Variants in NOSTRIN observed in about 807,000 individuals in gnomAD.
NOSTRIN encodes nitric oxide synthase trafficking, also known as BM247 homolog.
In NOSTRIN, 63 loss-of-function variants were observed where a neutral mutation model predicts 59.0. The ratio of observed to expected loss-of-function variants is 1.07; its 90% confidence interval spans 0.87 to 1.32. The LOEUF (loss-of-function observed/expected upper bound fraction) is 1.32. Among genes scored for constraint, NOSTRIN ranks in the 40% most tolerant of loss-of-function variants. The probability of loss-of-function intolerance (pLI) is 0.00; values close to 1 mark genes in which losing one functional copy is unlikely to be tolerated. For missense variants in NOSTRIN, 512 were observed against 473.1 expected, an observed-to-expected ratio of 1.08 and a Z score of -0.76; for synonymous variants, 200 against 165.4, an observed-to-expected ratio of 1.21 and a Z score of -1.61.
At chr2:168,810,010 C>T (rs1206887499) in intron 1 of NOSTRIN, among the ~76,000 whole-genome samples, 1 of 151,974 alleles carries the variant, frequency 6.6e-6, no homozygotes, top group African/African-American at 2.4e-5. Flanking sequence ...CTGATTTCAG[C>T]TTTTTTGGAC....
At chr2:168,845,790 CTTTTTT>C in intron 8 of NOSTRIN, among the ~76,000 whole-genome samples, 1 of 140,630 alleles carries the variant, frequency 7.1e-6, no homozygotes, top group East Asian at 2.1e-4. Flanking sequence ...TTTTTTCTTC[CTTTTTT>C]TTTTTTTTTT....
intron 2 of NOSTRIN, among the ~76,000 whole-genome samples, chr2:168,792,124 A>G (rs1574245882): frequency 6.6e-6 from 1 of 152,154 alleles, no homozygotes; most frequent in Admixed American, 6.5e-5. Flanking sequence ...TAGGTCTAAC[A>G]TGTAAGTCTT....
intron 2 of NOSTRIN, among the ~76,000 whole-genome samples, chr2:168,792,885 T>C (rs1043205639): frequency 1.3e-5 from 2 of 152,230 alleles, no homozygotes; most frequent in African/African-American, 4.8e-5. Context: ...GTGAAATATA[T>C]GGTATTACTT....
intron 2 of NOSTRIN, among the ~76,000 whole-genome samples, chr2:168,814,480 C>T (rs1045951396): frequency 4.6e-5 from 7 of 152,146 alleles, no homozygotes; most frequent in Non-Finnish European, 1.0e-4. Flanking sequence ...ACATGTGAAC[C>T]AATGGTAATC....
chr2:168,822,935 C>G (rs113232568), intron 2 of NOSTRIN, among the ~76,000 whole-genome samples: 1 of 152,228 alleles, frequency 6.6e-6, no homozygotes, highest in South Asian at 2.1e-4. Context: ...CGATTATAAT[C>G]TAGAGCTAAT....
At chr2:168,864,780 C>G in intron 15 of NOSTRIN, 54 bp from the exon 16 acceptor site, 1 of 1,600,090 alleles carries the variant, frequency 6.2e-7, no homozygotes, top group Non-Finnish European at 8.5e-7. Flanking sequence ...ATCAATCGGG[C>G]TGAGGCATGT....
chr2:168,836,323 A>G (rs1648926213), intron 7 of NOSTRIN, among the ~76,000 whole-genome samples: 1 of 152,178 alleles, frequency 6.6e-6, no homozygotes, highest in African/African-American at 2.4e-5. Context: ...CTAAGTGGTG[A>G]ATTTCCTCTT....
At chr2:168,795,500 T>C (rs1261266990), upstream of NOSTRIN, among the ~76,000 whole-genome samples, 1 of 152,242 alleles carries the variant, frequency 6.6e-6, no homozygotes, top group African/African-American at 2.4e-5. Context: ...CTAGGGCTTA[T>C]TGTGGGAAAG....
At chr2:168,819,365 G>A (rs954680155) in intron 2 of NOSTRIN, among the ~76,000 whole-genome samples, 2 of 152,200 alleles carry the variant, frequency 1.3e-5, no homozygotes, top group African/African-American at 2.4e-5. Flanking sequence ...TGGAAGAGCC[G>A]TGGAAGTGTG....
intron 8 of NOSTRIN, among the ~76,000 whole-genome samples, chr2:168,847,430 G>C (rs1688496210): frequency 6.6e-6 from 1 of 152,172 alleles, no homozygotes; most frequent in African/African-American, 2.4e-5. Context: ...CAGAGCCTCT[G>C]AATGATTATA....
intron 2 of NOSTRIN, among the ~76,000 whole-genome samples, chr2:168,816,778 AG>A (rs1372884777): frequency 6.6e-6 from 1 of 152,138 alleles, no homozygotes; most frequent in East Asian, 1.9e-4. Flanking sequence ...GAACTCCTTG[AG>A]GGTCTTTGTG....
chr2:168,832,307 A>G (rs1687410687), intron 6 of NOSTRIN, among the ~76,000 whole-genome samples: 1 of 152,214 alleles, frequency 6.6e-6, no homozygotes, highest in Admixed American at 6.5e-5. Flanking sequence ...AAAATAACAG[A>G]TGGGATCCAT....
At chr2:168,794,226 A>G (rs1371548575), upstream of NOSTRIN, among the ~76,000 whole-genome samples, 1 of 152,198 alleles carries the variant, frequency 6.6e-6, no homozygotes, top group Non-Finnish European at 1.5e-5. Context: ...TGAATTATCA[A>G]TTGTGTAAAA....
intron 15 of NOSTRIN, 21 bp downstream of exon 15, chr2:168,862,070 T>A (rs375129505): frequency 1.3e-6 from 2 of 1,599,228 alleles, no homozygotes; most frequent in African/African-American, 2.7e-5. Flanking sequence ...TTCTCAAATA[T>A]TTTAATTGCC....
chr2:168,812,838 C>G (rs1191489239), intron 2 of NOSTRIN, among the ~76,000 whole-genome samples: 1 of 152,134 alleles, frequency 6.6e-6, no homozygotes, highest in Non-Finnish European at 1.5e-5. Flanking sequence ...TTTTTAAACT[C>G]AACAACCCGC....
At chr2:168,849,923 T>G (rs72883287) in intron 8 of NOSTRIN, among the ~76,000 whole-genome samples, 5 of 24,648 alleles carry the variant, frequency 2.0e-4, no homozygotes, top group Admixed American at 3.2e-4. Flanking sequence ...TTCTCATTTT[T>G]TTTTTTTTTT....
chr2:168,828,147 T>C lies in NOSTRIN; in HGVS notation c.198-11T>C. On this transcript the variant is annotated splice_polypyrimidine_tract_variant and intron_variant, in intron 3 of 15. Coordinates refer to ENST00000317647, the MANE Select transcript of NOSTRIN (RefSeq NM_001039724.4). ...CACTCACCTTTGTTCCCCACTTTTT[T>C]TTGCCTTTAGTTGTGTTAGCAGTGC... The C allele has an allele frequency of 1.1e-6, 1 of 872,934 alleles. No homozygotes were observed. Among genetic ancestry groups the C allele is most frequent in the Middle Eastern group, 2.2e-4 (1 of 4,606 alleles). 54.1% of individuals were successfully genotyped at this position (872,934 alleles called of 1,614,324 possible).
upstream of NOSTRIN, among the ~76,000 whole-genome samples, chr2:168,797,072 CTTTTTTCTTTTTTT>C (rs1188984194): frequency 1.2e-5 from 1 of 85,352 alleles, no homozygotes; most frequent in Non-Finnish European, 2.4e-5. Context: ...CTTTCTTTTT[CTTTTTTCTTTTTTT>C]TTTTTTTTTT....
chr2:168,861,056 TG>T (rs1190670381), intron 14 of NOSTRIN, 147 bp downstream of exon 14: 5 of 591,238 alleles, frequency 8.5e-6, no homozygotes, highest in African/African-American at 3.7e-5. Flanking sequence ...TGTTAGACTC[TG>T]TAGCTTTATG....
Sources: gnomAD v4.1 joint callset for allele counts (sites outside exome capture counted in the v4.1 genomes callset) on GRCh38, gnomAD v4.1.1 for gene constraint, MANE v1.5 for transcripts, NCBI Gene and HGNC (gene_info 2026-07-23, HGNC 2026-07-21) for gene names.